The following CAPN5 variants were observed in gnomAD, a reference collection of about 807,000 sequenced individuals.
The protein encoded by CAPN5 is calpain-5.
A neutral mutation model predicts 73.0 loss-of-function variants in CAPN5; 54 were observed. That is an observed-to-expected ratio of 0.74 (90% confidence interval 0.59 to 0.93). The LOEUF (loss-of-function observed/expected upper bound fraction) is 0.93. Ranked by LOEUF, CAPN5 falls within the 40% of genes least tolerant of loss-of-function variation. CAPN5 has a pLI of 0.00. For missense variants in CAPN5, 785 were observed against 882.9 expected (o/e 0.89, Z 1.41); for synonymous variants, 335 against 356.9 (o/e 0.94, Z 0.69).
intron 4 of CAPN5, 156 bp downstream of exon 4, chr11:77,112,953 A>G: frequency 1.4e-6 from 1 of 696,196 alleles, no homozygotes; most frequent in Non-Finnish European, 2.5e-6. Context: ...CTGAGGGCAT[A>G]GTCAGCTGAG....
intron 11 of CAPN5, 43 bp from the exon 12 acceptor site, chr11:77,122,533 C>CCCCCCCCCCA: frequency 8.1e-7 from 1 of 1,232,808 alleles, no homozygotes; most frequent in African/African-American, 1.5e-5. Context: ...CTGCCACAGC[C>CCCCCCCCCCA]CCCACCCCCA....
At position 77,096,511 on chromosome 11, in the gene CAPN5, T is replaced by C. The variant is rs537419992; in HGVS notation, c.297+2698T>C. Among the ~76,000 whole-genome samples the C allele has an allele frequency of 2.6e-5, 4 of 152,288 alleles. No individual in the cohort carries two copies. In the East Asian group the frequency reaches 7.7e-4, roughly 29 times the overall value. On this transcript the variant is annotated intron_variant, in intron 3 of 12. Transcript: ENST00000648180. ...ACCTGTTTCTCTGTTCTGTCAGACA[T>C]CTCTTGGCCTCCTGCCCTGCTCCTA...
At position 77,102,783 on chromosome 11, in the gene CAPN5, G is replaced by T. The variant is rs546326017; in HGVS notation, c.297+8970G>T. The T allele has an allele frequency of 2.7e-6, 4 of 1,468,860 alleles. No individual in the cohort carries two copies. In the South Asian group the frequency reaches 5.6e-5, roughly 21 times the overall value. 91.0% of individuals were successfully genotyped at this position (1,468,860 alleles called of 1,614,324 possible). On this transcript the variant is annotated intron_variant, in intron 3 of 12. Transcript: ENST00000648180. ...CCCTTTGGTGGCCTCTTCTCTCCAC[G>T]GCCCCAGGCTCCAGCCCACTTGGGT...
chr11:77,116,956 G>T (rs1440965998), intron 7 of CAPN5, among the ~76,000 whole-genome samples: 1 of 152,162 alleles, frequency 6.6e-6, no homozygotes, highest in African/African-American at 2.4e-5. Context: ...CCCAGTAATT[G>T]GCTGGGTACA....
intron 9 of CAPN5, 38 bp downstream of exon 9, chr11:77,119,190 G>A: frequency 1.3e-6 from 2 of 1,581,402 alleles, no homozygotes; most frequent in Non-Finnish European, 1.7e-6. Flanking sequence ...GGTGGGGAGA[G>A]GGAGGGAGCT....
rs372467486 is a variant in CAPN5 at position 77,067,876 on chromosome 11, A to G, written c.-36+782A>G. Among the ~76,000 whole-genome samples the G allele has an allele frequency of 1.3e-3, 194 of 152,162 alleles. 1 individual carries two copies. The highest frequency in any genetic ancestry group is 4.1e-3 in the African/African-American group (172 of 41,512). The stretch of plus-strand genomic sequence containing the variant: ...TGGGATTCACCCCCAAGTTCCATAC[A>G]GATCAGAAGAGTGGGGCACAGAGAA... On this transcript the variant is annotated intron_variant, in intron 1 of 12. Transcript: ENST00000648180.
chr11:77,118,177 G>A lies in CAPN5; in HGVS notation c.992G>A (p.Cys331Tyr). Residue 331 changes from cysteine (C) to tyrosine (Y), a missense_variant, in exon 8 of 13, where the codon TGC becomes TAC. Physicochemically the swap from Cys to Tyr is radical, Grantham distance 194. Coordinates refer to ENST00000648180, the MANE Select transcript of CAPN5 (RefSeq NM_004055.5). Reference sequence around the variant, plus strand: ...TCCAGGATGACCTTCGAGGACGTGTGCCGGTACTTCACGGACATCATCAAG... The same window carrying A: ...TCCAGGATGACCTTCGAGGACGTGTACCGGTACTTCACGGACATCATCAAG... ...GEFWMTFEDV[C>Y]RYFTDIIKCR... The A allele has an allele frequency of 4.3e-6, 7 of 1,613,650 alleles. No homozygotes were observed. The highest frequency in any genetic ancestry group is 5.9e-6 in the Non-Finnish European group (7 of 1,179,746).
chr11:77,086,735 C>A (rs1378340558), intron 2 of CAPN5, among the ~76,000 whole-genome samples: 1 of 152,242 alleles, frequency 6.6e-6, no homozygotes, highest in Non-Finnish European at 1.5e-5. Flanking sequence ...TGGCTACCCC[C>A]GTCCTGACTC....
chr11:77,120,731 TACC>T lies in CAPN5; in HGVS notation c.1310_1312del (p.Tyr437_Arg438delinsCys). 1 of 1,611,314 alleles carries T rather than the reference TACC, an allele frequency of 6.2e-7. No homozygotes were observed. The highest frequency in any genetic ancestry group is 2.2e-5 in the East Asian group (1 of 44,834). ...CCTGCAGGTGGAGGAGAACCGCCAG[TACC>T]GCATGCACAGCCTGCAGCACAAGGC... On this transcript the variant is annotated inframe_deletion, in exon 10 of 13. Transcript: ENST00000648180.
At chr11:77,078,119 C>T (rs1949992264) in intron 1 of CAPN5, among the ~76,000 whole-genome samples, 1 of 152,134 alleles carries the variant, frequency 6.6e-6, no homozygotes, top group Non-Finnish European at 1.5e-5. Context: ...CTTTTGGGGT[C>T]ATATCTAAAA....
At chr11:77,120,222 GT>G (rs1471094743) in intron 9 of CAPN5, 1 of 152,506 alleles carries the variant, frequency 6.6e-6, no homozygotes, top group African/African-American at 2.4e-5. Context: ...TAATTTTTAA[GT>G]TTTTTGTAGA....
chr11:77,073,770 G>A (rs1949936853), intron 1 of CAPN5, among the ~76,000 whole-genome samples: 4 of 152,198 alleles, frequency 2.6e-5, no homozygotes, highest in Admixed American at 2.6e-4. Context: ...GGGAGGGGAG[G>A]AAATAGACAG....
chr11:77,116,327 G>A (rs781952011), intron 7 of CAPN5, 24 bp downstream of exon 7: 28 of 1,596,842 alleles, frequency 1.8e-5, no homozygotes, highest in South Asian at 3.4e-5. Flanking sequence ...TGCCCTGGGC[G>A]TCCGGGGCTG....
chr11:77,073,759 G>C (rs7122016), intron 1 of CAPN5, among the ~76,000 whole-genome samples: 57,182 of 152,156 alleles, frequency 0.38, 11,630 homozygotes, highest in Non-Finnish European at 0.45. Context: ...GGGAAGGAGA[G>C]GGGAGGGGAG....
intron 3 of CAPN5, among the ~76,000 whole-genome samples, chr11:77,101,822 G>A (rs1417754349): frequency 6.6e-6 from 1 of 152,180 alleles, no homozygotes; most frequent in African/African-American, 2.4e-5. Flanking sequence ...TAAAGGCTGA[G>A]CTTCTGGTTC....
intron 5 of CAPN5, among the ~76,000 whole-genome samples, chr11:77,114,988 G>A (rs782433202): frequency 6.6e-5 from 10 of 152,116 alleles, no homozygotes; most frequent in South Asian, 2.1e-4. Flanking sequence ...GCTTGAACCC[G>A]GGAGGCAGAA....
chr11:77,121,908 C>T, intron 10 of CAPN5, 26 bp from the exon 11 acceptor site: 1 of 1,370,246 alleles, frequency 7.3e-7, no homozygotes, highest in African/African-American at 1.4e-5. Context: ...TCCATCACTC[C>T]CCTCTCCCCT....
chr11:77,120,538 C>A, intron 9 of CAPN5, 175 bp from the exon 10 acceptor site: 1 of 528,720 alleles, frequency 1.9e-6, no homozygotes, highest in Non-Finnish European at 3.3e-6. Context: ...TTGACCTCTT[C>A]CCTTCAGCCC....
At chr11:77,093,595 TC>T in intron 2 of CAPN5, 86 bp from the exon 3 acceptor site, 1 of 754,804 alleles carries the variant, frequency 1.3e-6, no homozygotes, top group Non-Finnish European at 1.8e-6. Flanking sequence ...TCTGTGTCTG[TC>T]ACGTCTGTGT....
Sources: allele counts gnomAD v4.1 joint callset (sites outside exome capture counted in the v4.1 genomes callset), GRCh38; gene constraint gnomAD v4.1.1; transcripts MANE v1.5; gene names NCBI Gene and HGNC (gene_info 2026-07-23, HGNC 2026-07-21).